The following SMIM35 variants were observed in gnomAD, a reference collection of about 807,000 sequenced individuals.
The protein encoded by SMIM35 is TMPRSS4 antisense RNA 1 (non-protein coding).
At chr11:118,043,589 A>T (rs1786179) in intron 1 of SMIM35, among the ~76,000 whole-genome samples, 107,825 of 151,410 alleles carry the variant, frequency 0.71, 38,763 homozygotes, top group Non-Finnish European at 0.76. Flanking sequence ...GGCGGGCCGA[A>T]CACGAGGTCA....
At chr11:118,037,690 G>A (rs1019584560) in intron 1 of SMIM35, among the ~76,000 whole-genome samples, 5 of 152,284 alleles carry the variant, frequency 3.3e-5, no homozygotes, top group African/African-American at 9.6e-5. Flanking sequence ...CCAGGGAGTC[G>A]GCGACCTGTT....
rs76284746 is a variant in SMIM35, at chr11:118,014,178, C to T, written c.159-298G>A. 2.4e-3 allele frequency among the ~76,000 whole-genome samples: 363 copies of T among 152,308 alleles called. 3 individuals carry two copies. The highest frequency in any genetic ancestry group is 8.2e-3 in the African/African-American group (342 of 41,562). ...GAGATTACATTATTTGTAATCAGAC[C>T]TGTCTCCAGCAGAGACATGAAATGC... On this transcript the variant is annotated intron_variant, in intron 3 of 4. Coordinates refer to ENST00000689828, the MANE Select transcript of SMIM35 (RefSeq NM_001394165.1).
At chr11:118,061,276 C>A (rs1003941892) in intron 1 of SMIM35, among the ~76,000 whole-genome samples, 1 of 152,186 alleles carries the variant, frequency 6.6e-6, no homozygotes, top group Non-Finnish European at 1.5e-5. Context: ...AGCTTCAAAC[C>A]CCAGTTCTGA....
intron 1 of SMIM35, among the ~76,000 whole-genome samples, chr11:118,036,326 C>G (rs650908): frequency 0.5 from 76,443 of 152,168 alleles, 19,806 homozygotes; most frequent in East Asian, 0.65. Flanking sequence ...GCTGGTGAGT[C>G]TGACACTTGG....
intron 2 of SMIM35, among the ~76,000 whole-genome samples, 168 bp downstream of exon 2, chr11:118,015,525 C>A (rs547901251): frequency 6.6e-6 from 1 of 152,352 alleles, no homozygotes; most frequent in African/African-American, 2.4e-5. Flanking sequence ...ACCTCACCAC[C>A]TCAACTGCTC....
intron 1 of SMIM35, among the ~76,000 whole-genome samples, chr11:118,081,094 AG>A (rs1338753254): frequency 6.6e-6 from 1 of 152,248 alleles, no homozygotes. Flanking sequence ...CTAGGCACTT[AG>A]TAAATGTGAA....
chr11:118,041,279 TAGA>T lies in SMIM35; in HGVS notation c.8-25473_8-25471del, dbSNP rs1419991875. On this transcript the variant is annotated intron_variant, in intron 1 of 4. Coordinates refer to ENST00000689828, the MANE Select transcript of SMIM35 (RefSeq NM_001394165.1). ...ATAACTCAATAGAAGATCAAGGAAA[TAGA>T]AGATTTGAACAACACTACGGACCAA... Among the ~76,000 whole-genome samples, 8 of 152,216 alleles carry T rather than the reference TAGA, an allele frequency of 5.3e-5. No individual in the cohort carries two copies. In the East Asian group the frequency reaches 1.5e-3, roughly 29 times the overall value.
At chr11:118,083,986 C>T (rs560068103) in intron 1 of SMIM35, among the ~76,000 whole-genome samples, 1 of 151,994 alleles carries the variant, frequency 6.6e-6, no homozygotes, top group African/African-American at 2.4e-5. Context: ...TGCAGTGAGC[C>T]GAGACAGCGC....
chr11:118,053,421 G>T (rs1032799081), intron 1 of SMIM35, among the ~76,000 whole-genome samples: 7 of 151,998 alleles, frequency 4.6e-5, no homozygotes, highest in African/African-American at 1.5e-4. Flanking sequence ...TTAACTGATG[G>T]CCTCAGCCAG....
chr11:118,053,625 G>A (rs1451706560), intron 1 of SMIM35, among the ~76,000 whole-genome samples: 2 of 152,278 alleles, frequency 1.3e-5, no homozygotes, highest in South Asian at 2.1e-4. Context: ...TAGAGGCAAC[G>A]GGTGGGGCCT....
intron 1 of SMIM35, among the ~76,000 whole-genome samples, chr11:118,027,820 C>T (rs1255991758): frequency 6.6e-6 from 1 of 152,204 alleles, no homozygotes. Context: ...CTCTTCAAAA[C>T]GGAGTCCTGT....
chr11:118,019,506 A>G (rs11216691), intron 1 of SMIM35, among the ~76,000 whole-genome samples: 14,606 of 152,234 alleles, frequency 0.096, 979 homozygotes, highest in East Asian at 0.37. Context: ...CTGGACAGAG[A>G]CAAGGACTCT....
intron 1 of SMIM35, among the ~76,000 whole-genome samples, chr11:118,069,860 G>A (rs1944543015): frequency 6.6e-6 from 1 of 152,120 alleles, no homozygotes; most frequent in South Asian, 2.1e-4. Context: ...TCAGGAGTTC[G>A]AGACTAGCCT....
At chr11:118,072,677 C>T (rs1229517028) in intron 1 of SMIM35, among the ~76,000 whole-genome samples, 1 of 152,184 alleles carries the variant, frequency 6.6e-6, no homozygotes, top group Non-Finnish European at 1.5e-5. Context: ...CTCTTTTTAT[C>T]TCTACTAGAA....
intron 1 of SMIM35, among the ~76,000 whole-genome samples, chr11:118,049,385 G>A (rs59238367): frequency 0.17 from 20,539 of 119,606 alleles, 1,597 homozygotes; most frequent in Middle Eastern, 0.3. Flanking sequence ...GCCTTGCTCT[G>A]TCACCCAGGC....
chr11:118,066,180 G>A (rs1156413834), intron 1 of SMIM35, among the ~76,000 whole-genome samples: 1 of 152,078 alleles, frequency 6.6e-6, no homozygotes, highest in Non-Finnish European at 1.5e-5. Flanking sequence ...TGCCACCTTG[G>A]TAGGTGGTAC....
chr11:118,015,040 G>T (rs1371763287), intron 2 of SMIM35, among the ~76,000 whole-genome samples: 1 of 152,208 alleles, frequency 6.6e-6, no homozygotes, highest in Non-Finnish European at 1.5e-5. Context: ...CTATAAAAAT[G>T]AAGGCTATAA....
chr11:118,063,831 C>T (rs1437366661), intron 1 of SMIM35, among the ~76,000 whole-genome samples: 1 of 152,204 alleles, frequency 6.6e-6, no homozygotes, highest in African/African-American at 2.4e-5. Flanking sequence ...ATGAAAGCCC[C>T]GTGTCCCTTA....
chr11:118,015,630 C>A (rs1178172165), intron 2 of SMIM35, 63 bp downstream of exon 2: 1 of 399,188 alleles, frequency 2.5e-6, no homozygotes, highest in Admixed American at 4.4e-5. Flanking sequence ...CGGGCATTGC[C>A]AACTGCTATG....
Sources: allele counts gnomAD v4.1 joint callset (sites outside exome capture counted in the v4.1 genomes callset), GRCh38; gene constraint gnomAD v4.1.1; transcripts MANE v1.5; gene names NCBI Gene and HGNC (gene_info 2026-07-23, HGNC 2026-07-21).